The following NEDD4 variants were observed in gnomAD, a reference collection of about 807,000 sequenced individuals.
The protein encoded by NEDD4 is NEDD4 E3 ubiquitin protein ligase.
NEDD4 carries 99 observed loss-of-function variants against 144.9 expected under a neutral mutation model. The ratio of observed to expected loss-of-function variants is 0.68; its 90% CI spans 0.58 to 0.81. The LOEUF (loss-of-function observed/expected upper bound fraction) is 0.81, where lower values mean the gene tolerates loss of function less well. Among genes scored for constraint, NEDD4 ranks in the 30% least tolerant of loss-of-function variants. NEDD4 has a pLI of 0.00. For missense variants in NEDD4, 985 were observed against 1,065.9 expected, an observed-to-expected ratio of 0.92 and a Z score of 1.06; for synonymous variants, 318 against 350.6, an observed-to-expected ratio of 0.91 and a Z score of 1.04.
intron 1 of NEDD4, 28 bp downstream of exon 1, chr15:55,993,483 C>T (rs576131375): frequency 7.5e-6 from 12 of 1,593,708 alleles, no homozygotes; most frequent in Non-Finnish European, 1.0e-5. Context: ...GAAGGGAAGC[C>T]CGCCCCGCAG....
intron 18 of NEDD4, among the ~76,000 whole-genome samples, chr15:55,843,167 A>G (rs1469783889): frequency 3.3e-5 from 5 of 152,206 alleles, no homozygotes; most frequent in African/African-American, 1.2e-4. Context: ...CTAGCCATGT[A>G]GAACTGTAGG....
At chr15:55,968,434 C>CA (rs1436449584) in intron 1 of NEDD4, among the ~76,000 whole-genome samples, 5 of 151,250 alleles carry the variant, frequency 3.3e-5, no homozygotes, top group African/African-American at 1.2e-4. Context: ...ATATCATGTG[C>CA]AAAATGAAAA....
intron 2 of NEDD4, among the ~76,000 whole-genome samples, chr15:55,965,605 A>G: frequency 6.6e-6 from 1 of 152,200 alleles, no homozygotes; most frequent in Non-Finnish European, 1.5e-5. Flanking sequence ...GTAAATCAAC[A>G]ATTGGAAATA....
rs527431136 is a variant in NEDD4 at position 55,889,140 on chromosome 15, C to T, written c.292-15132G>A. Among the ~76,000 whole-genome samples, 18 of 152,192 alleles carry T rather than the reference C, an allele frequency of 1.2e-4. No individual in the cohort carries two copies. In the East Asian group the frequency reaches 3.3e-3, roughly 28 times the overall value. ...AAGCTTTTGCACAGCCCACAATAAA[C>T]AATCAACAAAGTGGGGAGACAGCCC... is the stretch of plus-strand genomic sequence containing the variant. On this transcript the variant is annotated intron_variant, in intron 5 of 28. Transcript: ENST00000435532.
chr15:55,924,702 A>C lies in NEDD4; in HGVS notation c.238-3T>G, dbSNP rs763793327. On this transcript the variant is annotated splice_polypyrimidine_tract_variant and splice_region_variant and intron_variant, in intron 4 of 28. Transcript: ENST00000435532. ...AGCCGGTGCTGCTGAGGATGAACCTAAGAAAAACACAATCTTTATTTAAAA... is the reference window on the plus strand; with the variant it reads ...AGCCGGTGCTGCTGAGGATGAACCTCAGAAAAACACAATCTTTATTTAAAA... The C allele has an allele frequency of 3.1e-5, 50 of 1,606,780 alleles. No individual in the cohort carries two copies. The highest frequency in any genetic ancestry group is 3.9e-5 in the Non-Finnish European group (46 of 1,176,494).
At chr15:55,859,429 C>G (rs2034316646) in intron 11 of NEDD4, among the ~76,000 whole-genome samples, 2 of 152,204 alleles carry the variant, frequency 1.3e-5, no homozygotes, top group South Asian at 4.1e-4. Context: ...AGCAGTGGCT[C>G]ATGCCTGTAA....
chr15:55,852,818 C>T (rs1348190173), intron 12 of NEDD4, among the ~76,000 whole-genome samples: 1 of 151,496 alleles, frequency 6.6e-6, no homozygotes, highest in Non-Finnish European at 1.5e-5. Context: ...GGTATGATCT[C>T]GGCTCACTGC....
intron 1 of NEDD4, among the ~76,000 whole-genome samples, chr15:55,979,363 T>TTTTTTG (rs1437639721): frequency 9.1e-6 from 1 of 109,914 alleles, no homozygotes; most frequent in African/African-American, 3.5e-5. Flanking sequence ...TTTTTTTTTT[T>TTTTTTG]TGAGACGGAG....
At chr15:55,973,745 C>T (rs868016440) in intron 1 of NEDD4, among the ~76,000 whole-genome samples, 7 of 150,662 alleles carry the variant, frequency 4.6e-5, no homozygotes, top group African/African-American at 1.7e-4. Flanking sequence ...AATGGAAACA[C>T]AACATAGCAA....
chr15:55,913,367 A>C (rs1250197888), intron 5 of NEDD4, among the ~76,000 whole-genome samples: 7 of 152,072 alleles, frequency 4.6e-5, no homozygotes, highest in Admixed American at 3.3e-4. Context: ...TCTAAAACCC[A>C]TTATTGTTGC....
intron 4 of NEDD4, among the ~76,000 whole-genome samples, chr15:55,945,556 G>A (rs1355321691): frequency 6.6e-6 from 1 of 152,110 alleles, no homozygotes; most frequent in African/African-American, 2.4e-5. Context: ...AAAGTGACAG[G>A]GAGAATGGAA....
chr15:55,852,682 T>A, intron 12 of NEDD4, 139 bp from the exon 13 acceptor site: 1 of 238,460 alleles, frequency 4.2e-6, no homozygotes. Context: ...AGTTTTGCCT[T>A]TTCTAGAAAT....
intron 24 of NEDD4, among the ~76,000 whole-genome samples, chr15:55,837,356 G>A (rs149759503): frequency 1.8e-4 from 28 of 151,894 alleles, no homozygotes; most frequent in African/African-American, 6.3e-4. Context: ...CTTGAACCTG[G>A]GAGGTGCAGG....
Position 55,830,122 on chromosome 15 carries a change from AC to A in NEDD4, c.2601-124del, listed in dbSNP as rs1465560694. On this transcript the variant is annotated intron_variant, in intron 28 of 28. Transcript: ENST00000435532. ...CAACACCACCAAAATATGTCTTTTC[AC>A]CAGGGGTAGAAGTAAGACGTAGGAC... The A allele has an allele frequency of 5.0e-4, 352 of 700,058 alleles. 2 individuals carry two copies. The highest frequency in any genetic ancestry group is 4.3e-5 in the Non-Finnish European group (18 of 413,976). 43.4% of individuals were successfully genotyped at this position (700,058 alleles called of 1,614,324 possible). A position where few individuals can be genotyped will look rare whatever the true frequency, so the allele number is the denominator to read the frequency against.
intron 5 of NEDD4, chr15:55,916,470 C>A (rs756591358): frequency 6.2e-7 from 1 of 1,614,040 alleles, no homozygotes; most frequent in Non-Finnish European, 8.5e-7. Flanking sequence ...ACTGTAAATA[C>A]CATCCTTCAA....
chr15:55,835,568 C>T (rs565698645), intron 24 of NEDD4, among the ~76,000 whole-genome samples: 1 of 152,240 alleles, frequency 6.6e-6, no homozygotes, highest in South Asian at 2.1e-4. Context: ...TCCATTGTAT[C>T]GAGTTCACAG....
At chr15:55,884,569 G>T (rs1296825605) in intron 5 of NEDD4, among the ~76,000 whole-genome samples, 2 of 152,008 alleles carry the variant, frequency 1.3e-5, no homozygotes, top group African/African-American at 4.8e-5. Flanking sequence ...AAAGAATTCA[G>T]AATCCTGTCA....
At chr15:55,912,092 C>T (rs908533751) in intron 5 of NEDD4, among the ~76,000 whole-genome samples, 5 of 152,188 alleles carry the variant, frequency 3.3e-5, no homozygotes, top group Non-Finnish European at 7.4e-5. Flanking sequence ...ACATTTTTCA[C>T]CAACTTTCTA....
chr15:55,849,652 C>CA (rs1300030020), intron 14 of NEDD4, among the ~76,000 whole-genome samples: 1 of 151,368 alleles, frequency 6.6e-6, no homozygotes, highest in Non-Finnish European at 1.5e-5. Flanking sequence ...AAAAAGAGAA[C>CA]AAAATTAAAT....
Sources: gnomAD v4.1 joint callset for allele counts (sites outside exome capture counted in the v4.1 genomes callset) on GRCh38, gnomAD v4.1.1 for gene constraint, MANE v1.5 for transcripts, NCBI Gene and HGNC (gene_info 2026-07-23, HGNC 2026-07-21) for gene names.